The following COL4A1 variants were observed in gnomAD, a reference collection of about 807,000 sequenced individuals.
The protein encoded by COL4A1 is collagen type IV alpha 1 chain.
Under a neutral mutation model 216.6 loss-of-function variants are expected in COL4A1, and 40 were observed. That is an observed-to-expected ratio of 0.18 (90% confidence interval 0.14 to 0.24). The LOEUF (loss-of-function observed/expected upper bound fraction) is 0.24, where lower values mean the gene tolerates loss of function less well. Ranked by LOEUF, COL4A1 falls within the 10% of genes least tolerant of loss-of-function variation. COL4A1 has a pLI of 1.00. For missense variants in COL4A1, 1,628 were observed against 2,196.8 expected (o/e 0.74, Z 5.18); for synonymous variants, 839 against 810.7 (o/e 1.03, Z -0.59).
chr13:110,173,791 G>C, intron 40 of COL4A1, 109 bp downstream of exon 40: 1 of 1,275,414 alleles, frequency 7.8e-7, no homozygotes. Context: ...GGGATGTGCA[G>C]TCTAGGGGCC....
rs188915007 is a variant in COL4A1 at position 110,256,664 on chromosome 13, A to G, written c.85-13930T>C. On this transcript the variant is annotated intron_variant, in intron 1 of 51. Transcript: ENST00000375820. ...TGGTGTATTTACAGGTGCAACTGGAAATGCGGAGGTCGGCCATGGGGTGAG... is the reference window on the plus strand; with the variant it reads ...TGGTGTATTTACAGGTGCAACTGGAGATGCGGAGGTCGGCCATGGGGTGAG... 3.0e-4 allele frequency among the ~76,000 whole-genome samples: 46 copies of G among 152,302 alleles called. No individual in the cohort carries two copies. The East Asian group carries it at 8.3e-3, about 27-fold the overall frequency.
chr13:110,165,036 T>C, intron 45 of COL4A1, 46 bp from the exon 46 acceptor site: 2 of 1,585,622 alleles, frequency 1.3e-6, no homozygotes. Flanking sequence ...GTCCACATAC[T>C]GGGGCGGAAA....
In COL4A1 at chr13:110,181,357, G is replaced by A. The variant is rs1415977637; in HGVS notation, c.2128C>T (p.Pro710Ser). 3.1e-6 allele frequency: 5 copies of A among 1,613,670 alleles called. No homozygotes were observed. Among genetic ancestry groups the A allele is most frequent in the Non-Finnish European group, 3.4e-6 (4 of 1,179,856 alleles). ...VDGLPGDMGPPGTPGRPGFNG... is the reference protein window; with the variant it reads ...VDGLPGDMGPSGTPGRPGFNG... ...AATCCCGGGCGACCTGGAGTCCCCGGTGGCCCCATGTCTCCAGGTAAGCCG... is the reference window on the plus strand; with the variant it reads ...AATCCCGGGCGACCTGGAGTCCCCGATGGCCCCATGTCTCCAGGTAAGCCG... The change falls in exon 29 of 52, where the codon CCG becomes TCG. Residue 710 changes from proline (P) to serine (S), a missense_variant. Physicochemically the swap from Pro to Ser is moderately conservative, Grantham distance 74. Transcript: ENST00000375820.
At chr13:110,178,309 A>G in intron 31 of COL4A1, 78 bp from the exon 32 acceptor site, 1 of 1,585,238 alleles carries the variant, frequency 6.3e-7, no homozygotes, top group Middle Eastern at 2.2e-4. Context: ...CTGTTTAACT[A>G]TGACTTTCTG....
chr13:110,285,592 T>G (rs9583478), intron 1 of COL4A1, among the ~76,000 whole-genome samples: 3 of 152,158 alleles, frequency 2.0e-5, no homozygotes, highest in African/African-American at 7.2e-5. Flanking sequence ...CTGCATGAGA[T>G]GAACATTTGA....
chr13:110,246,667 G>A (rs1230415544), intron 1 of COL4A1, among the ~76,000 whole-genome samples: 1 of 152,148 alleles, frequency 6.6e-6, no homozygotes, highest in South Asian at 2.1e-4. Flanking sequence ...ATATCTGAGG[G>A]CCTTTATGAG....
intron 2 of COL4A1, among the ~76,000 whole-genome samples, chr13:110,236,317 A>T (rs1050040520): frequency 6.6e-6 from 1 of 152,170 alleles, no homozygotes; most frequent in Non-Finnish European, 1.5e-5. Flanking sequence ...TAGGTATTAG[A>T]TTTATGGTAT....
At chr13:110,198,751 A>T (rs1285304483) in intron 20 of COL4A1, 120 bp from the exon 21 acceptor site, 9 of 1,310,872 alleles carry the variant, frequency 6.9e-6, no homozygotes, top group African/African-American at 1.5e-5. Flanking sequence ...TGAAAAGGGA[A>T]CTGCTTTAGA....
chr13:110,278,607 T>C (rs1883510813), intron 1 of COL4A1, among the ~76,000 whole-genome samples: 1 of 152,214 alleles, frequency 6.6e-6, no homozygotes, highest in Non-Finnish European at 1.5e-5. Flanking sequence ...CACAGCCTTT[T>C]TAAAAAGGCT....
chr13:110,291,852 C>G (rs142598313), intron 1 of COL4A1, among the ~76,000 whole-genome samples: 3 of 152,154 alleles, frequency 2.0e-5, no homozygotes, highest in Admixed American at 6.5e-5. Context: ...CTAGCATGAC[C>G]TTGACAACCA....
Position 110,205,514 on chromosome 13 carries a change from T to C in COL4A1, c.883A>G (p.Lys295Glu), listed in dbSNP as rs752302074. Reference protein sequence around the residue: ...PRGKPGKDGDKGEKGSPGFPG... With the variant: ...PRGKPGKDGDEGEKGSPGFPG... Reference sequence around the variant, plus strand: ...CTTACGGGACTCCCTTTTTCCCCTTTGTCACCATCTTTTCCGGGTTTGCCC... The same window carrying C: ...CTTACGGGACTCCCTTTTTCCCCTTCGTCACCATCTTTTCCGGGTTTGCCC... The change falls in exon 16 of 52, where the codon AAA (lysine) becomes GAA (glutamate). Residue 295 changes from lysine (K) to glutamate (E), a missense_variant. Around this residue, in one of 8 missense-constraint regions of COL4A1, gnomAD observed 701 missense variants for 892.5 expected, o/e 0.79. Transcript: ENST00000375820. The C allele has an allele frequency of 3.7e-6, 6 of 1,608,646 alleles. No homozygotes were observed. Among genetic ancestry groups the C allele is most frequent in the Non-Finnish European group, 5.1e-6 (6 of 1,179,880 alleles).
intron 1 of COL4A1, among the ~76,000 whole-genome samples, chr13:110,243,629 T>G (rs1881660616): frequency 6.6e-6 from 1 of 152,186 alleles, no homozygotes. Context: ...TGTAGTTCAC[T>G]TCTAACATAA....
Position 110,179,302 on chromosome 13 carries a change from C to T in COL4A1, c.2313G>A (p.Ala771=), listed in dbSNP as rs781701888. Residue 771 remains alanine (A), a synonymous_variant, in exon 30 of 52, where the codon GCG becomes GCA. Transcript: ENST00000375820. ...GVPGVPGEHG[A]IGPPGLQGIR... ...TCCCCTGAAGCCCAGGGGGTCCGATCGCTCCATGTTCTCCAGGAACGCCTG... is the reference window on the plus strand; with the variant it reads ...TCCCCTGAAGCCCAGGGGGTCCGATTGCTCCATGTTCTCCAGGAACGCCTG... The T allele has an allele frequency of 1.9e-5, 30 of 1,614,146 alleles. No individual in the cohort carries two copies. Among genetic ancestry groups the T allele is most frequent in the Admixed American group, 6.7e-5 (4 of 60,024 alleles).
At position 110,174,624 on chromosome 13, in the gene COL4A1, T is replaced by C; in HGVS notation, c.3324A>G (p.Pro1108=). 6.2e-7 allele frequency: 1 copy of C among 1,614,162 alleles called. No homozygotes were observed. Among genetic ancestry groups the C allele is most frequent in the Non-Finnish European group, 8.5e-7 (1 of 1,180,024 alleles). The change falls in exon 38 of 52, where the codon CCA becomes CCG. Residue 1108 remains proline (P), a splice_region_variant and synonymous_variant. Transcript: ENST00000375820. The stretch of plus-strand genomic sequence containing the variant: ...CCAAGAGAAGCCCCCCTCACCTACC[T>C]GGATAGCCAACACTCCCGGGAGACC... ...LKGSPGSVGY[P]GSPGLPGEKG...
chr13:110,176,865 G>A lies in COL4A1; in HGVS notation c.2869+20C>T. 6.2e-7 allele frequency: 1 copy of A among 1,614,164 alleles called. No homozygotes were observed. Among genetic ancestry groups the A allele is most frequent in the South Asian group, 1.1e-5 (1 of 91,080 alleles). ...ACATTGTGGTTCCGAGCTTGGCCAT[G>A]AGAAGCCTCCTGGACTTGCCTTTCT... On this transcript the variant is annotated intron_variant, in intron 34 of 51. Coordinates refer to ENST00000375820, the MANE Select transcript of COL4A1 (RefSeq NM_001845.6).
intron 1 of COL4A1, among the ~76,000 whole-genome samples, chr13:110,255,300 C>T (rs1006515519): frequency 6.6e-6 from 1 of 151,874 alleles, no homozygotes; most frequent in Admixed American, 6.6e-5. Context: ...TGGTGGCATT[C>T]ATCTGTGAGA....
intron 43 of COL4A1, 120 bp downstream of exon 43, chr13:110,169,497 AACACACACACAC>A (rs3832901): frequency 5.9e-6 from 7 of 1,184,764 alleles, no homozygotes; most frequent in South Asian, 3.1e-5. Context: ...GTGGGAGTGT[AACACACACACAC>A]ACACACACAC....
chr13:110,180,815 T>C (rs1210759143), intron 29 of COL4A1, among the ~76,000 whole-genome samples: 4 of 152,174 alleles, frequency 2.6e-5, no homozygotes, highest in Admixed American at 6.5e-5. Flanking sequence ...GATGCTCTTT[T>C]GGTGACCCAT....
chr13:110,255,103 G>C (rs935261872), intron 1 of COL4A1, among the ~76,000 whole-genome samples: 1 of 152,216 alleles, frequency 6.6e-6, no homozygotes, highest in African/African-American at 2.4e-5. Flanking sequence ...TGTGCCAGCA[G>C]AACAGCCCAG....
Sources: gnomAD v4.1 joint callset for allele counts (sites outside exome capture counted in the v4.1 genomes callset) on GRCh38, gnomAD v4.1.1 for gene constraint, gnomAD v4.1.1 regional missense constraint, MANE v1.5 for transcripts, NCBI Gene and HGNC (gene_info 2026-07-23, HGNC 2026-07-21) for gene names.